NTNG1: variants seen among roughly 807,000 people sequenced by gnomAD.
NTNG1 encodes the protein netrin G1.
Under a neutral mutation model 54.0 loss-of-function variants are expected in NTNG1, and 16 were observed. That is an observed-to-expected ratio of 0.30 (90% CI 0.20 to 0.45). The LOEUF (loss-of-function observed/expected upper bound fraction) is 0.45. Ranked by LOEUF, NTNG1 falls within the 20% of genes least tolerant of loss-of-function variation. The pLI, the probability that NTNG1 is intolerant of heterozygous loss-of-function variation, is 1.00. For missense variants in NTNG1, 530 were observed against 678.7 expected (o/e 0.78, Z 2.43); for synonymous variants, 255 against 263.1 (o/e 0.97, Z 0.30).
At chr1:107,450,673 G>A (rs142702819) in intron 7 of NTNG1, among the ~76,000 whole-genome samples, 500 of 152,074 alleles carry the variant, frequency 3.3e-3, no homozygotes, top group African/African-American at 0.011. Context: ...ATCTGTAAAC[G>A]TGAATTTTAA....
At chr1:107,439,073 A>C (rs1675792898) in intron 7 of NTNG1, among the ~76,000 whole-genome samples, 1 of 152,164 alleles carries the variant, frequency 6.6e-6, no homozygotes, top group Non-Finnish European at 1.5e-5. Flanking sequence ...TCACATCCGA[A>C]TGAGAGGCCC....
At chr1:107,452,668 G>A (rs1676697328) in intron 7 of NTNG1, among the ~76,000 whole-genome samples, 2 of 152,234 alleles carry the variant, frequency 1.3e-5, no homozygotes, top group African/African-American at 2.4e-5. Context: ...TATAAAGGCA[G>A]GATGCCCCTT....
intron 3 of NTNG1, among the ~76,000 whole-genome samples, chr1:107,363,213 AC>A (rs1670396810): frequency 6.6e-6 from 1 of 152,212 alleles, no homozygotes; most frequent in South Asian, 2.1e-4. Flanking sequence ...TGGAGAAATG[AC>A]AGGGCTTATT....
intron 1 of NTNG1, among the ~76,000 whole-genome samples, chr1:107,147,446 C>T (rs1021497774): frequency 1.6e-4 from 24 of 150,284 alleles, no homozygotes; most frequent in African/African-American, 4.9e-4. Context: ...AATTTTGCTC[C>T]TTTGGTTTTA....
At chr1:107,437,787 GT>G (rs1279764294) in intron 7 of NTNG1, among the ~76,000 whole-genome samples, 2 of 152,072 alleles carry the variant, frequency 1.3e-5, no homozygotes, top group Non-Finnish European at 2.9e-5. Flanking sequence ...TATTTTTCGT[GT>G]TTTTTTATTG....
At chr1:107,347,736 TG>T (rs1308888889) in intron 3 of NTNG1, among the ~76,000 whole-genome samples, 1 of 152,150 alleles carries the variant, frequency 6.6e-6, no homozygotes, top group Non-Finnish European at 1.5e-5. Flanking sequence ...TCTGCATTGC[TG>T]GGGAGGCCTC....
chr1:107,243,200 G>A (rs1661960618), intron 2 of NTNG1, among the ~76,000 whole-genome samples: 1 of 152,112 alleles, frequency 6.6e-6, no homozygotes, highest in Non-Finnish European at 1.5e-5. Flanking sequence ...CTTTATACTT[G>A]TTATAACATC....
At chr1:107,467,218 A>T (rs901632179) in intron 7 of NTNG1, among the ~76,000 whole-genome samples, 2 of 152,178 alleles carry the variant, frequency 1.3e-5, no homozygotes, top group African/African-American at 4.8e-5. Context: ...GCAGCTATTG[A>T]TTCATCCAAG....
chr1:107,407,998 C>A, intron 5 of NTNG1: 1 of 608,630 alleles, frequency 1.6e-6, no homozygotes, highest in Admixed American at 2.0e-5. Context: ...AATCATCATT[C>A]AGGAAAAATA....
intron 4 of NTNG1, among the ~76,000 whole-genome samples, chr1:107,402,618 A>G (rs1227266117): frequency 1.3e-5 from 2 of 152,088 alleles, no homozygotes; most frequent in Non-Finnish European, 2.9e-5. Flanking sequence ...ACATCTTTGA[A>G]GGTGATCTTA....
Position 107,177,336 on chromosome 1 carries a change from CTTTT to C in NTNG1, c.246+28507_246+28510del, listed in dbSNP as rs1008000999. On this transcript the variant is annotated intron_variant, in intron 2 of 7. Coordinates refer to ENST00000370068, the MANE Select transcript of NTNG1 (RefSeq NM_001113226.3). ...CCCCACTCTCATGTCTAAGAAGCAA[CTTTT>C]TTTTTTTTTCCTGAGACAGAGTCTT... Among the ~76,000 whole-genome samples the C allele has an allele frequency of 4.8e-5, 7 of 146,590 alleles. No individual in the cohort carries two copies. In the South Asian group the frequency reaches 1.5e-3, roughly 32 times the overall value.
chr1:107,259,040 C>G (rs1247824682), intron 2 of NTNG1, among the ~76,000 whole-genome samples: 2 of 151,888 alleles, frequency 1.3e-5, no homozygotes, highest in African/African-American at 4.8e-5. Context: ...ATGGGGATGA[C>G]CAAAATTTGA....
intron 5 of NTNG1, among the ~76,000 whole-genome samples, chr1:107,411,370 T>C (rs1673794852): frequency 6.6e-6 from 1 of 152,206 alleles, no homozygotes; most frequent in Admixed American, 6.5e-5. Context: ...GTCAGCCTGT[T>C]GAGGAAGCCC....
At chr1:107,470,026 C>G (rs751345446) in intron 7 of NTNG1, among the ~76,000 whole-genome samples, 1 of 152,110 alleles carries the variant, frequency 6.6e-6, no homozygotes, top group Non-Finnish European at 1.5e-5. Context: ...GATGGTCATC[C>G]GTTGGGTTGC....
chr1:107,386,165 ATT>A lies in NTNG1; in HGVS notation c.888-8977_888-8976del, dbSNP rs71098628. On this transcript the variant is annotated intron_variant, in intron 3 of 7. Transcript: ENST00000370068. ...TATATGTGTGTATATATATATATAT[ATT>A]TTTTTTTTTTTCTTCCTTTGAAATG... Among the ~76,000 whole-genome samples the A allele has an allele frequency of 4.0e-3, 489 of 120,776 alleles. 9 individuals are homozygous for A. The highest frequency in any genetic ancestry group is 0.01 in the African/African-American group (345 of 33,742). The allele number at this position is 120,776 out of a possible 152,430, so 79.2% of individuals were successfully genotyped here.
At chr1:107,151,872 G>A (rs1654594316) in intron 2 of NTNG1, among the ~76,000 whole-genome samples, 1 of 151,982 alleles carries the variant, frequency 6.6e-6, no homozygotes, top group South Asian at 2.1e-4. Flanking sequence ...AATCTTCAAT[G>A]TGAAGTACTT....
intron 3 of NTNG1, among the ~76,000 whole-genome samples, chr1:107,376,807 GC>G (rs199879276): frequency 4.2e-4 from 64 of 152,020 alleles, no homozygotes; most frequent in South Asian, 2.7e-3. Context: ...TTCTTTTGCT[GC>G]CCCCCCAGCC....
chr1:107,474,875 G>A (rs1366946193), intron 7 of NTNG1, among the ~76,000 whole-genome samples: 1 of 152,146 alleles, frequency 6.6e-6, no homozygotes, highest in Admixed American at 6.5e-5. Flanking sequence ...CTGTTACAGT[G>A]GCAAATAAAT....
chr1:107,319,865 T>A (rs374780870), intron 2 of NTNG1, among the ~76,000 whole-genome samples: 1 of 147,938 alleles, frequency 6.8e-6, no homozygotes, highest in African/African-American at 2.5e-5. Context: ...TACCTGAGGT[T>A]TATATATATA....
Sources: gnomAD v4.1 joint callset for allele counts (sites outside exome capture counted in the v4.1 genomes callset) on GRCh38, gnomAD v4.1.1 for gene constraint, MANE v1.5 for transcripts, NCBI Gene and HGNC (gene_info 2026-07-23, HGNC 2026-07-21) for gene names.